FANCD2: variants seen among roughly 807,000 people sequenced by gnomAD.
The protein encoded by FANCD2 is Fanconi anemia group D2 protein.
FANCD2 carries 131 observed loss-of-function variants against 192.3 expected under a neutral mutation model. The observed-to-expected ratio is 0.68, with a 90% CI of 0.59 to 0.79. The LOEUF is 0.79. Ranked by LOEUF, FANCD2 falls within the 30% of genes least tolerant of loss-of-function variation. The pLI is 0.00. For missense variants in FANCD2, 1,508 were observed against 1,701.6 expected (o/e 0.89, Z 2.00); for synonymous variants, 524 against 612.5 (o/e 0.86, Z 2.13).
rs575601508 is a variant in FANCD2 at position 10,057,339 on chromosome 3, A to T, written c.1657-2955A>T. 3.3e-5 allele frequency among the ~76,000 whole-genome samples: 5 copies of T among 150,972 alleles called. No homozygotes were observed. The South Asian group carries it at 1.0e-3, about 32-fold the overall frequency. ...ATTTAGTTTCAATAAAGTCAAATTT[A>T]TCTATTTCTTTTTCTTTTTCTTTCT... On this transcript the variant is annotated intron_variant, in intron 18 of 43. Transcript: ENST00000675286.
chr3:10,036,082 A>ATTTTTTTTT (rs781686867), intron 6 of FANCD2, among the ~76,000 whole-genome samples: 1 of 103,874 alleles, frequency 9.6e-6, no homozygotes, highest in Admixed American at 8.9e-5. Flanking sequence ...AGAATTATAC[A>ATTTTTTTTT]TTTCTTTTTT....
intron 26 of FANCD2, 41 bp downstream of exon 26, chr3:10,067,358 T>C: frequency 8.3e-7 from 1 of 1,201,724 alleles, no homozygotes; most frequent in Non-Finnish European, 1.2e-6. Context: ...ACTAGGCCAG[T>C]AGTGAGGCAA....
At chr3:10,027,827 C>T (rs2086492025) in intron 1 of FANCD2, among the ~76,000 whole-genome samples, 1 of 148,554 alleles carries the variant, frequency 6.7e-6, no homozygotes, top group Non-Finnish European at 1.5e-5. Flanking sequence ...ATGGTGTGAA[C>T]CCGGGAGGTG....
chr3:10,048,605 G>A (rs1283362600), intron 16 of FANCD2, among the ~76,000 whole-genome samples: 3 of 152,146 alleles, frequency 2.0e-5, no homozygotes, highest in Non-Finnish European at 4.4e-5. Flanking sequence ...GGGCCTGGCC[G>A]AGACACATTT....
rs550651445 is a variant in FANCD2 at position 10,035,416 on chromosome 3, G to A, written c.438+183G>A. 5.3e-5 allele frequency among the ~76,000 whole-genome samples: 8 copies of A among 152,214 alleles called. No individual in the cohort carries two copies. In the South Asian group the frequency reaches 1.7e-3, roughly 32 times the overall value. On this transcript the variant is annotated intron_variant, in intron 6 of 43. Coordinates refer to ENST00000675286, the MANE Select transcript of FANCD2 (RefSeq NM_001018115.3). ...GGTAATGTCTGTGTTTTAAAACTGT[G>A]CTTATTAGCCTAATACATCTGGCGG...
intron 36 of FANCD2, among the ~76,000 whole-genome samples, chr3:10,089,780 C>G (rs1418155450): frequency 6.6e-6 from 1 of 152,150 alleles, no homozygotes; most frequent in African/African-American, 2.4e-5. Flanking sequence ...GATATTTTAG[C>G]CATCTTGAGA....
chr3:10,035,439 C>T (rs964084052), intron 6 of FANCD2, among the ~76,000 whole-genome samples: 4 of 152,126 alleles, frequency 2.6e-5, no homozygotes, highest in Non-Finnish European at 4.4e-5. Flanking sequence ...ATACATCTGG[C>T]GGCCCCATTT....
rs140738485 is a variant in FANCD2 at position 10,026,743 on chromosome 3, GCCAGATGGTA to G, written c.-34+271_-34+280del. On this transcript the variant is annotated intron_variant, in intron 1 of 43. Transcript: ENST00000675286. ...TCACTTCTGTTGGGCTTTTCTGGAA[GCCAGATGGTA>G]TCGCACGTGTTAAAGGCGGGTGCCT... The G allele has an allele frequency of 0.2, 29,754 of 152,136 alleles. 3,369 individuals are homozygous for G. Among genetic ancestry groups the G allele is most frequent in the African/African-American group, 0.32 (13,105 of 41,462 alleles). The allele number at this position is 152,136 out of a possible 1,614,324, so 9.4% of individuals were successfully genotyped here.
chr3:10,099,275 T>G, intron 43 of FANCD2: 1 of 1,273,184 alleles, frequency 7.9e-7, no homozygotes, highest in Non-Finnish European at 1.0e-6. Flanking sequence ...AAATAGAAGT[T>G]CTTACGCTTT....
intron 14 of FANCD2, 79 bp from the exon 15 acceptor site, chr3:10,046,501 G>T (rs1476210479): frequency 6.3e-7 from 1 of 1,585,190 alleles, no homozygotes; most frequent in Non-Finnish European, 8.6e-7. Flanking sequence ...TTTAATTAGA[G>T]GAAAAGCTGC....
rs186663908 is a variant in FANCD2, at chr3:10,043,447, G to A, written c.990-37G>A. On this transcript the variant is annotated intron_variant, in intron 12 of 43. Coordinates refer to ENST00000675286, the MANE Select transcript of FANCD2 (RefSeq NM_001018115.3). ...GATCTTGTAAGTTCTTTTCTGGTACGTAGAAGAGTAATTTTTTTCCTCTCT... is the reference window on the plus strand; with the variant it reads ...GATCTTGTAAGTTCTTTTCTGGTACATAGAAGAGTAATTTTTTTCCTCTCT... The A allele has an allele frequency of 1.4e-4, 215 of 1,528,050 alleles. No individual in the cohort carries two copies. The East Asian group carries it at 3.9e-3, about 28-fold the overall frequency. The allele number at this position is 1,528,050 out of a possible 1,614,324, so 94.7% of individuals were successfully genotyped here.
chr3:10,034,806 G>A lies in FANCD2; in HGVS notation c.377+8G>A. On this transcript the variant is annotated splice_region_variant and intron_variant, in intron 5 of 43. Coordinates refer to ENST00000675286, the MANE Select transcript of FANCD2 (RefSeq NM_001018115.3). ...GCAGGATGAGGAAGCCAGGTGTGGA[G>A]AGGAGGCATGGAATCTTGCTGAAAT... 6.5e-7 allele frequency: 1 copy of A among 1,543,342 alleles called. No individual in the cohort carries two copies. The highest frequency in any genetic ancestry group is 8.8e-7 in the Non-Finnish European group (1 of 1,138,618).
intron 27 of FANCD2, 85 bp downstream of exon 27, chr3:10,073,066 G>A: frequency 1.1e-6 from 1 of 883,978 alleles, no homozygotes; most frequent in Non-Finnish European, 1.9e-6. Flanking sequence ...CATGGCATCA[G>A]TAATTGGAAC....
intron 32 of FANCD2, among the ~76,000 whole-genome samples, chr3:10,083,024 C>T (rs1255386936): frequency 6.6e-5 from 10 of 151,994 alleles, no homozygotes; most frequent in African/African-American, 1.9e-4. Context: ...CTCAGGAGTT[C>T]GAGACCAGCC....
intron 38 of FANCD2, among the ~76,000 whole-genome samples, chr3:10,092,850 C>T (rs577076153): frequency 2.0e-5 from 3 of 151,888 alleles, no homozygotes; most frequent in Non-Finnish European, 2.9e-5. Flanking sequence ...TGCCACCACA[C>T]CCAGCTAATT....
chr3:10,084,745 A>G (rs1481519746), intron 32 of FANCD2, among the ~76,000 whole-genome samples: 1 of 152,238 alleles, frequency 6.6e-6, no homozygotes, highest in African/African-American at 2.4e-5. Flanking sequence ...GATCAGGAAG[A>G]TGCTTCTAGA....
chr3:10,060,382 C>G lies in FANCD2; in HGVS notation c.1745C>G (p.Ala582Gly). ...GGGATTATTGGTGCTGTGACCATGG[C>G]TGGCATCATGGCGGCAGACAGGTAC... ...LIGIIGAVTMAGIMAADRSES... is the reference protein window; with the variant it reads ...LIGIIGAVTMGGIMAADRSES... Residue 582 changes from alanine (A) to glycine (G), a missense_variant, in exon 19 of 44, where the codon GCT becomes GGT. Around this residue, in one of 5 missense-constraint regions of FANCD2, gnomAD observed 110 missense variants for 114.4 expected, o/e 0.96. Coordinates refer to ENST00000675286, the MANE Select transcript of FANCD2 (RefSeq NM_001018115.3). 1 of 1,613,850 alleles carries G rather than the reference C, an allele frequency of 6.2e-7. No homozygotes were observed. The highest frequency in any genetic ancestry group is 8.5e-7 in the Non-Finnish European group (1 of 1,179,854).
chr3:10,045,154 TTTTTG>T (rs1313748060), intron 14 of FANCD2, among the ~76,000 whole-genome samples: 1 of 151,582 alleles, frequency 6.6e-6, no homozygotes, highest in South Asian at 2.1e-4. Flanking sequence ...GTTTTCTCTT[TTTTTG>T]TTTTGTTTTG....
intron 17 of FANCD2, among the ~76,000 whole-genome samples, chr3:10,049,949 C>CA (rs2087147809): frequency 1.3e-5 from 2 of 152,064 alleles, no homozygotes; most frequent in South Asian, 4.1e-4. Context: ...AACTGGTGCC[C>CA]AAGTCAATGG....
Sources: allele counts gnomAD v4.1 joint callset (sites outside exome capture counted in the v4.1 genomes callset), GRCh38; gene constraint gnomAD v4.1.1; regional missense constraint gnomAD v4.1.1; transcripts MANE v1.5; gene names NCBI Gene and HGNC (gene_info 2026-07-23, HGNC 2026-07-21).